NXPE2: variants seen among roughly 807,000 people sequenced by gnomAD.
NXPE2 encodes the protein neurexophilin and PC-esterase domain family member 2.
Under a neutral mutation model 34.4 loss-of-function variants are expected in NXPE2, and 34 were observed. The ratio of observed to expected loss-of-function variants is 0.99; its 90% confidence interval spans 0.75 to 1.31. The LOEUF (loss-of-function observed/expected upper bound fraction) is 1.31, where lower values mean the gene tolerates loss of function less well. Ranked by LOEUF, NXPE2 falls within the 40% of genes most tolerant of loss-of-function variation. The probability of loss-of-function intolerance (pLI) is 0.00; values close to 1 mark genes in which losing one functional copy is unlikely to be tolerated. For synonymous variants in NXPE2, 235 were observed against 231.3 expected, an observed-to-expected ratio of 1.02 and a Z score of -0.15; for missense variants, 649 against 672.5, an observed-to-expected ratio of 0.97 and a Z score of 0.39.
the NXPE2 span, chr11:114,551,169 C>A: frequency 3.3e-6 from 5 of 1,535,196 alleles, no homozygotes; most frequent in East Asian, 1.2e-4. Flanking sequence ...TCAAGATCAG[C>A]AGCGTTTTTT....
the NXPE2 span, among the ~76,000 whole-genome samples, chr11:114,770,046 A>G: frequency 6.6e-6 from 1 of 152,228 alleles, no homozygotes; most frequent in African/African-American, 2.4e-5. Flanking sequence ...AAGGTGATCA[A>G]GGTACTTCAG....
At chr11:114,495,354 C>T in the NXPE2 span, among the ~76,000 whole-genome samples, 12 of 151,810 alleles carry the variant, frequency 7.9e-5, no homozygotes, top group Admixed American at 2.0e-4. Flanking sequence ...TTCAGGGGCC[C>T]GGGCCTATAG....
the NXPE2 span, among the ~76,000 whole-genome samples, chr11:114,507,528 A>C: frequency 6.6e-6 from 1 of 152,228 alleles, no homozygotes; most frequent in Non-Finnish European, 1.5e-5. Context: ...GCAGCACATC[A>C]AAAAGCTTAT....
Position 114,706,563 on chromosome 11 carries a change from T to A in NXPE2, c.1313T>A (p.Val438Glu). ...TATATCCCACGGGAAATTGACCAGG[T>A]AGCAGGAGACAAAAACACAGCCATT... The part of the protein sequence containing the change: ...ENYIPREIDQ[V>E]AGDKNTAIVI... The change falls in exon 6 of 6, where the codon GTA (valine) becomes GAA (glutamate). Residue 438 changes from valine to glutamate, a missense_variant. Val to Glu is a moderately radical substitution (Grantham distance 121). Coordinates refer to ENST00000389586, the MANE Select transcript of NXPE2 (RefSeq NM_182495.6). 1 of 1,551,902 alleles carries A rather than the reference T, an allele frequency of 6.4e-7. No homozygotes were observed.
chr11:114,709,538 A>G (rs1859570614), downstream of NXPE2, among the ~76,000 whole-genome samples: 1 of 152,240 alleles, frequency 6.6e-6, no homozygotes, highest in African/African-American at 2.4e-5. Context: ...GAAATCATAG[A>G]AATGTTCTCT....
chr11:114,637,434 C>T, the NXPE2 span, among the ~76,000 whole-genome samples: 6 of 151,972 alleles, frequency 3.9e-5, no homozygotes, highest in South Asian at 1.2e-3. Flanking sequence ...CAGTCTGTGT[C>T]TTTTAATTGG....
At chr11:114,721,488 G>A in the NXPE2 span, among the ~76,000 whole-genome samples, 3 of 152,146 alleles carry the variant, frequency 2.0e-5, no homozygotes, top group Non-Finnish European at 2.9e-5. Flanking sequence ...CTCTGTTAGA[G>A]AAAGGGAGCC....
At chr11:114,615,080 T>A in the NXPE2 span, among the ~76,000 whole-genome samples, 1 of 151,522 alleles carries the variant, frequency 6.6e-6, no homozygotes, top group Non-Finnish European at 1.5e-5. Flanking sequence ...ATTCTTACCC[T>A]GTGGAAAATA....
At chr11:114,621,828 C>T in the NXPE2 span, among the ~76,000 whole-genome samples, 12 of 152,046 alleles carry the variant, frequency 7.9e-5, no homozygotes, top group African/African-American at 2.9e-4. Flanking sequence ...ACCACTGTTA[C>T]CTGCTGGAAA....
At chr11:114,626,514 C>G in the NXPE2 span, among the ~76,000 whole-genome samples, 16 of 152,240 alleles carry the variant, frequency 1.1e-4, no homozygotes, top group Admixed American at 7.8e-4. Context: ...CACCAAAAAC[C>G]CATCTGTACA....
the NXPE2 span, among the ~76,000 whole-genome samples, chr11:114,549,885 G>C: frequency 6.6e-6 from 1 of 151,750 alleles, no homozygotes; most frequent in Non-Finnish European, 1.5e-5. Flanking sequence ...TAAAATAGTA[G>C]GAAATAATAT....
the NXPE2 span, among the ~76,000 whole-genome samples, chr11:114,650,565 G>A: frequency 6.6e-6 from 1 of 151,260 alleles, no homozygotes; most frequent in African/African-American, 2.4e-5. Context: ...TCCTTCCCCA[G>A]GAAGTGAGAA....
the NXPE2 span, among the ~76,000 whole-genome samples, chr11:114,536,752 T>A: frequency 2.0e-5 from 3 of 152,228 alleles, no homozygotes; most frequent in Admixed American, 2.0e-4. Flanking sequence ...AATCTCTGAA[T>A]AGACCAATAA....
At chr11:114,624,388 A>G in the NXPE2 span, among the ~76,000 whole-genome samples, 1 of 152,088 alleles carries the variant, frequency 6.6e-6, no homozygotes, top group Non-Finnish European at 1.5e-5. Context: ...CCGTTCAATG[A>G]TAAGTATTGC....
At chr11:114,547,843 T>C in the NXPE2 span, among the ~76,000 whole-genome samples, 1 of 152,180 alleles carries the variant, frequency 6.6e-6, no homozygotes, top group African/African-American at 2.4e-5. Flanking sequence ...GACTTCAAAT[T>C]GTAAGTATCA....
At chr11:114,683,665 C>T (rs549717851) in intron 2 of NXPE2, among the ~76,000 whole-genome samples, 75 of 152,278 alleles carry the variant, frequency 4.9e-4, no homozygotes, top group Non-Finnish European at 9.6e-4. Flanking sequence ...ATGATCTGCC[C>T]TCCTTGGCCT....
chr11:114,703,824 C>G (rs1176426344), intron 3 of NXPE2, among the ~76,000 whole-genome samples, 167 bp from the exon 4 acceptor site: 1 of 152,110 alleles, frequency 6.6e-6, no homozygotes, highest in Admixed American at 6.5e-5. Flanking sequence ...AGGAGAGGAA[C>G]AGCTTTCCAG....
the NXPE2 span, chr11:114,553,876 G>A: frequency 1.0e-6 from 1 of 964,252 alleles, no homozygotes; most frequent in Non-Finnish European, 1.2e-6. Flanking sequence ...AGGCCATGAT[G>A]GGTACATTTA....
chr11:114,642,052 A>G, the NXPE2 span, among the ~76,000 whole-genome samples: 1 of 152,122 alleles, frequency 6.6e-6, no homozygotes, highest in Non-Finnish European at 1.5e-5. Context: ...TTCTTTCCAA[A>G]GAATACAGCA....
Sources: gnomAD v4.1 joint callset for allele counts (sites outside exome capture counted in the v4.1 genomes callset) on GRCh38, gnomAD v4.1.1 for gene constraint, MANE v1.5 for transcripts, NCBI Gene and HGNC (gene_info 2026-07-23, HGNC 2026-07-21) for gene names.